The following PHF14 variants were observed in gnomAD, a reference collection of about 807,000 sequenced individuals.
PHF14 encodes PHD finger protein 14.
PHF14 carries 55 observed loss-of-function variants against 117.9 expected under a neutral mutation model. That is an observed-to-expected ratio of 0.47 (90% CI 0.38 to 0.58). The LOEUF (loss-of-function observed/expected upper bound fraction) is 0.58, where lower values mean the gene tolerates loss of function less well. Ranked by LOEUF, PHF14 falls within the 20% of genes least tolerant of loss-of-function variation. The probability of loss-of-function intolerance (pLI) is 0.00; values close to 1 mark genes in which losing one functional copy is unlikely to be tolerated. For missense variants in PHF14, 978 were observed against 1,122.2 expected (o/e 0.87, Z 1.84); for synonymous variants, 409 against 368.6 (o/e 1.11, Z -1.26).
intron 16 of PHF14, among the ~76,000 whole-genome samples, chr7:11,098,925 T>C (rs1454689644): frequency 6.6e-6 from 1 of 152,198 alleles, no homozygotes. Context: ...GATGCTTCAT[T>C]GTATGTCACG....
chr7:11,107,386 A>G (rs75612541), intron 16 of PHF14: 1 of 854,420 alleles, frequency 1.2e-6, no homozygotes, highest in African/African-American at 1.8e-5. Context: ...GTTAATGGGT[A>G]AAAGACCATA....
At chr7:10,974,358 C>T in intron 1 of PHF14, 34 bp downstream of exon 1, 1 of 1,564,880 alleles carries the variant, frequency 6.4e-7, no homozygotes, top group Non-Finnish European at 8.7e-7. Context: ...GGCGAGAGGT[C>T]CATTTCAGCC....
chr7:10,985,560 A>C (rs79008379), intron 3 of PHF14, among the ~76,000 whole-genome samples: 210 of 148,684 alleles, frequency 1.4e-3, no homozygotes, highest in Middle Eastern at 3.5e-3. Flanking sequence ...ACTGCTCTTA[A>C]TGGCCTTAAC....
intron 17 of PHF14, among the ~76,000 whole-genome samples, chr7:11,149,190 C>T (rs1003139275): frequency 8.8e-6 from 1 of 113,462 alleles, no homozygotes; most frequent in African/African-American, 4.4e-5. Flanking sequence ...TTAGGTAAGG[C>T]CATCACAGTT....
chr7:11,068,142 A>T (rs1368816451), intron 16 of PHF14, among the ~76,000 whole-genome samples: 1 of 152,126 alleles, frequency 6.6e-6, no homozygotes, highest in Non-Finnish European at 1.5e-5. Flanking sequence ...CGAGGTCAGG[A>T]GATCGAGACC....
chr7:11,143,422 AT>A (rs1179407013), intron 17 of PHF14, among the ~76,000 whole-genome samples: 1 of 151,732 alleles, frequency 6.6e-6, no homozygotes, highest in African/African-American at 2.4e-5. Flanking sequence ...TGCCCAGCCA[AT>A]TTTTTTTATA....
intron 16 of PHF14, among the ~76,000 whole-genome samples, chr7:11,075,631 A>G (rs2128334698): frequency 6.7e-6 from 1 of 148,368 alleles, no homozygotes; most frequent in East Asian, 2.0e-4. Context: ...CCATGACCCA[A>G]ACACCTCCCA....
chr7:10,990,570 T>C, intron 3 of PHF14, 133 bp from the exon 4 acceptor site: 2 of 590,166 alleles, frequency 3.4e-6, no homozygotes. Flanking sequence ...TTGAAGTTAA[T>C]AAAAGAATGG....
chr7:10,979,729 A>C (rs1454019934), intron 2 of PHF14, among the ~76,000 whole-genome samples: 2 of 152,126 alleles, frequency 1.3e-5, no homozygotes, highest in Non-Finnish European at 2.9e-5. Context: ...GCATATGTAC[A>C]AAAAAGAAAT....
intron 16 of PHF14, chr7:11,106,445 TA>T: frequency 1.1e-6 from 1 of 943,700 alleles, no homozygotes; most frequent in South Asian, 4.9e-5. Context: ...CTCATGTAGG[TA>T]ATTTGCACTA....
At chr7:11,168,979 A>G (rs1369540537) in intron 17 of PHF14, among the ~76,000 whole-genome samples, 2 of 152,000 alleles carry the variant, frequency 1.3e-5, no homozygotes, top group African/African-American at 4.8e-5. Flanking sequence ...TGATCTTCAG[A>G]TAACATATGG....
chr7:11,062,128 C>G (rs1430828853), intron 16 of PHF14, 43 bp downstream of exon 16: 3 of 1,514,154 alleles, frequency 2.0e-6, no homozygotes, highest in Non-Finnish European at 2.7e-6. Context: ...GATGAAAGTT[C>G]TATATTTATT....
intron 13 of PHF14, among the ~76,000 whole-genome samples, chr7:11,048,748 G>A (rs1441729276): frequency 6.6e-6 from 1 of 152,138 alleles, no homozygotes; most frequent in Non-Finnish European, 1.5e-5. Context: ...GTTGAAGAAT[G>A]GCTAAGAAGT....
intron 5 of PHF14, among the ~76,000 whole-genome samples, chr7:11,014,626 T>G (rs1406569329): frequency 6.6e-6 from 1 of 152,152 alleles, no homozygotes; most frequent in African/African-American, 2.4e-5. Context: ...ACTCCACCCA[T>G]ACCTGCTGAA....
At chr7:11,104,110 T>C (rs2128341969) in intron 16 of PHF14, 1 of 984,916 alleles carries the variant, frequency 1.0e-6, no homozygotes, top group Admixed American at 6.2e-5. Context: ...GCAGTTGCTT[T>C]ATTTTAGGTT....
chr7:11,070,700 T>C (rs1482179769), intron 16 of PHF14, among the ~76,000 whole-genome samples: 1 of 152,214 alleles, frequency 6.6e-6, no homozygotes, highest in Non-Finnish European at 1.5e-5. Context: ...AGTTGTGTCA[T>C]TATTGTCTGT....
chr7:11,129,761 T>TA (rs1788038430), intron 17 of PHF14, among the ~76,000 whole-genome samples: 1 of 151,930 alleles, frequency 6.6e-6, no homozygotes, highest in Non-Finnish European at 1.5e-5. Flanking sequence ...ATCTTGCCCT[T>TA]AAAAAACTTA....
At chr7:11,103,844 G>T (rs935843025) in intron 16 of PHF14, 5 of 980,848 alleles carry the variant, frequency 5.1e-6, no homozygotes, top group Non-Finnish European at 6.1e-6. Context: ...CATATAAACA[G>T]ATTATTAGCT....
chr7:11,102,375 C>G, intron 16 of PHF14: 1 of 1,125,332 alleles, frequency 8.9e-7, no homozygotes, highest in Non-Finnish European at 1.3e-6. Flanking sequence ...TGGACCAGAT[C>G]ATATGTTATT....
Sources: gnomAD v4.1 joint callset for allele counts (sites outside exome capture counted in the v4.1 genomes callset) on GRCh38, gnomAD v4.1.1 for gene constraint, MANE v1.5 for transcripts, NCBI Gene and HGNC (gene_info 2026-07-23, HGNC 2026-07-21) for gene names.